The following DSCAML1 variants were observed in gnomAD, a reference collection of about 807,000 sequenced individuals.
DSCAML1 encodes the protein cell adhesion molecule DSCAML1.
In DSCAML1, 38 loss-of-function variants were observed where a neutral mutation model predicts 200.5. The ratio of observed to expected loss-of-function variants is 0.19; its 90% CI spans 0.15 to 0.25. DSCAML1 has a LOEUF of 0.25. Among genes scored for constraint, DSCAML1 ranks in the 10% least tolerant of loss-of-function variants. The pLI is 1.00. For synonymous variants in DSCAML1, 1,215 were observed against 1,165.0 expected (o/e 1.04, Z -0.87); for missense variants, 2,223 against 2,858.8 (o/e 0.78, Z 5.07).
chr11:117,760,615 A>C (rs2054781748), intron 3 of DSCAML1, among the ~76,000 whole-genome samples: 1 of 152,214 alleles, frequency 6.6e-6, no homozygotes, highest in South Asian at 2.1e-4. Context: ...ATGTGCCAAT[A>C]TTGGCTTCTG....
At chr11:117,485,099 GT>G (rs888920897) in intron 11 of DSCAML1, among the ~76,000 whole-genome samples, 5 of 152,148 alleles carry the variant, frequency 3.3e-5, no homozygotes, top group African/African-American at 9.7e-5. Context: ...GTGCTGCCTG[GT>G]GCCGGGAGCC....
rs776652070 is a variant in DSCAML1 at position 117,518,647 on chromosome 11, G to T, written c.1329C>A (p.Leu443=). The T allele has an allele frequency of 6.2e-7, 1 of 1,613,398 alleles. No homozygotes were observed. ...GAPPPTVTWA[L]DDEPIVRDGS... ...CATCCCGCACGATGGGCTCATCGTCGAGGGCCCAGGTGACCGTGGGGGGCG... is the reference window on the plus strand; with the variant it reads ...CATCCCGCACGATGGGCTCATCGTCTAGGGCCCAGGTGACCGTGGGGGGCG... The change falls in exon 7 of 33, where the codon CTC becomes CTA. Residue 443 remains leucine (L), a synonymous_variant. Transcript: ENST00000651296. This position sits in a 1 kb window ranked among gnomAD's most constrained non-coding sequence, Gnocchi z 6.3.
chr11:117,699,759 C>T (rs1191219357), intron 3 of DSCAML1, among the ~76,000 whole-genome samples: 2 of 152,240 alleles, frequency 1.3e-5, no homozygotes, highest in Admixed American at 6.5e-5. Context: ...AGAACTTTCT[C>T]CCAGTAAGTC....
intron 3 of DSCAML1, among the ~76,000 whole-genome samples, chr11:117,702,610 A>G (rs1369532013): frequency 6.6e-6 from 1 of 152,100 alleles, no homozygotes; most frequent in Admixed American, 6.5e-5. Context: ...CTTAGATCAC[A>G]TTGCCTGGCG....
intron 3 of DSCAML1, among the ~76,000 whole-genome samples, chr11:117,747,723 G>A (rs80090688): frequency 0.038 from 5,807 of 151,826 alleles, 385 homozygotes; most frequent in African/African-American, 0.13. Context: ...TCTGATCTCC[G>A]GTCCCTCAGG....
At chr11:117,493,705 G>A (rs1216427157) in intron 11 of DSCAML1, among the ~76,000 whole-genome samples, 1 of 151,948 alleles carries the variant, frequency 6.6e-6, no homozygotes, top group East Asian at 1.9e-4. Context: ...ATGGCTCACT[G>A]CAGCCTCAAT....
intron 3 of DSCAML1, among the ~76,000 whole-genome samples, chr11:117,706,905 G>A (rs530411088): frequency 3.9e-5 from 6 of 152,194 alleles, no homozygotes; most frequent in African/African-American, 9.6e-5. Context: ...CTACTCCTCC[G>A]CAAAATGAAG....
intron 4 of DSCAML1, among the ~76,000 whole-genome samples, chr11:117,527,467 G>T (rs2049997479): frequency 6.6e-6 from 1 of 152,218 alleles, no homozygotes; most frequent in South Asian, 2.1e-4. Context: ...GATGAATGGG[G>T]CACTCAGGCA....
intron 3 of DSCAML1, among the ~76,000 whole-genome samples, chr11:117,675,130 T>G (rs2053184367): frequency 6.6e-6 from 1 of 152,214 alleles, no homozygotes; most frequent in South Asian, 2.1e-4. Flanking sequence ...CACAAGCATG[T>G]GATGAAGATG....
chr11:117,572,909 G>A (rs1050631580), intron 3 of DSCAML1, among the ~76,000 whole-genome samples: 3 of 152,192 alleles, frequency 2.0e-5, no homozygotes, highest in Non-Finnish European at 4.4e-5. Context: ...TCGCCCGGGG[G>A]CAGAGGGAGA....
At chr11:117,548,203 T>C (rs2050411062) in intron 3 of DSCAML1, among the ~76,000 whole-genome samples, 1 of 152,240 alleles carries the variant, frequency 6.6e-6, no homozygotes, top group Non-Finnish European at 1.5e-5. Flanking sequence ...AAGCCAGCCC[T>C]CTTCCCACCA....
At chr11:117,722,230 G>C (rs2054052323) in intron 3 of DSCAML1, among the ~76,000 whole-genome samples, 1 of 151,964 alleles carries the variant, frequency 6.6e-6, no homozygotes, top group Non-Finnish European at 1.5e-5. Flanking sequence ...TATGTCCAGG[G>C]CTCCAGCTGA....
intron 3 of DSCAML1, among the ~76,000 whole-genome samples, chr11:117,618,713 A>G (rs2051863129): frequency 6.6e-6 from 1 of 152,022 alleles, no homozygotes; most frequent in Non-Finnish European, 1.5e-5. Flanking sequence ...AGATGCTTCT[A>G]TTTGAGCTGG....
intron 3 of DSCAML1, among the ~76,000 whole-genome samples, chr11:117,728,765 A>C (rs1220147454): frequency 1.3e-5 from 2 of 152,206 alleles, no homozygotes; most frequent in Non-Finnish European, 2.9e-5. Context: ...GAAAACCATA[A>C]AACATTATTG....
At chr11:117,789,126 T>A (rs1012553210) in intron 1 of DSCAML1, among the ~76,000 whole-genome samples, 1 of 152,252 alleles carries the variant, frequency 6.6e-6, no homozygotes, top group African/African-American at 2.4e-5. Flanking sequence ...GTGGTTTTGC[T>A]GTTTGTTTTT....
chr11:117,645,866 A>C (rs1181858698), intron 3 of DSCAML1, among the ~76,000 whole-genome samples: 1 of 151,966 alleles, frequency 6.6e-6, no homozygotes, highest in Non-Finnish European at 1.5e-5. Context: ...TAACCTGTAC[A>C]TTGTGCACAT....
At chr11:117,786,227 G>A (rs1001972241) in intron 1 of DSCAML1, among the ~76,000 whole-genome samples, 1 of 152,208 alleles carries the variant, frequency 6.6e-6, no homozygotes, top group Non-Finnish European at 1.5e-5. Context: ...AGGGGGAAAT[G>A]GATTTTTAAT....
rs1397757309 is a variant in DSCAML1 at position 117,482,098 on chromosome 11, T to C, written c.2424A>G (p.Leu808=). 3.1e-6 allele frequency: 5 copies of C among 1,614,182 alleles called. No homozygotes were observed. Among genetic ancestry groups the C allele is most frequent in the Non-Finnish European group, 4.2e-6 (5 of 1,180,000 alleles). The part of the protein sequence containing the change: ...TIAIKGHAKE[L]NCTARGERPI... ...GCCGCTCACCCCGTGCCGTGCAGTT[T>C]AGCTCCTTCGCATGGCCCTTGATGG... The change falls in exon 12 of 33, where the codon CTA becomes CTG. Residue 808 remains leucine (L), a synonymous_variant. Coordinates refer to ENST00000651296, the MANE Select transcript of DSCAML1 (RefSeq NM_020693.4).
chr11:117,508,362 A>G (rs949327351), intron 8 of DSCAML1, among the ~76,000 whole-genome samples: 1 of 152,094 alleles, frequency 6.6e-6, no homozygotes, highest in Non-Finnish European at 1.5e-5. Flanking sequence ...AACTCCCTAT[A>G]TAAGTCCTTA....
Sources: allele counts gnomAD v4.1 joint callset (sites outside exome capture counted in the v4.1 genomes callset), GRCh38; gene constraint gnomAD v4.1.1; non-coding constraint Gnocchi (gnomAD v3.1); transcripts MANE v1.5; gene names NCBI Gene and HGNC (gene_info 2026-07-23, HGNC 2026-07-21).